The following FGF12 variants were observed in gnomAD, a reference collection of about 807,000 sequenced individuals.
The protein encoded by FGF12 is fibroblast growth factor 12B.
A neutral mutation model predicts 23.6 loss-of-function variants in FGF12; 14 were observed. The observed-to-expected ratio is 0.59, with a 90% CI of 0.39 to 0.93. The LOEUF (loss-of-function observed/expected upper bound fraction) is 0.93. Among genes scored for constraint, FGF12 ranks in the 40% least tolerant of loss-of-function variants. The probability of loss-of-function intolerance (pLI) is 0.00; values close to 1 mark genes in which losing one functional copy is unlikely to be tolerated. For missense variants in FGF12, 175 were observed against 217.8 expected (o/e 0.80, Z 1.24); for synonymous variants, 62 against 77.3 (o/e 0.80, Z 1.04).
chr3:192,511,180 A>T (rs750814739), intron 2 of FGF12, among the ~76,000 whole-genome samples: 2 of 151,950 alleles, frequency 1.3e-5, no homozygotes, highest in Non-Finnish European at 2.9e-5. Flanking sequence ...TTTCTGGGGC[A>T]GCCCAAGTGA....
At chr3:192,586,355 G>A (rs965096286) in intron 2 of FGF12, among the ~76,000 whole-genome samples, 15 of 152,124 alleles carry the variant, frequency 9.9e-5, no homozygotes, top group African/African-American at 2.7e-4. Flanking sequence ...GGAAATTTAC[G>A]CAAGTTAATT....
intron 2 of FGF12, among the ~76,000 whole-genome samples, chr3:192,441,831 C>T (rs527478456): frequency 1.6e-3 from 249 of 152,274 alleles, no homozygotes; most frequent in Non-Finnish European, 2.6e-3. Context: ...TCCCAGTGAA[C>T]AATTTCATCC....
chr3:192,279,254 A>ATATATAT (rs1713998088), intron 4 of FGF12, among the ~76,000 whole-genome samples: 9 of 143,490 alleles, frequency 6.3e-5, no homozygotes, highest in African/African-American at 1.3e-4. Context: ...ATATATATAT[A>ATATATAT]AAATGTACAT....
At chr3:192,171,329 A>G (rs889294821) in intron 4 of FGF12, among the ~76,000 whole-genome samples, 3 of 152,216 alleles carry the variant, frequency 2.0e-5, no homozygotes, top group Non-Finnish European at 4.4e-5. Flanking sequence ...TTCTAGTCTC[A>G]GAAGAAACTG....
chr3:192,685,821 C>A (rs1201302056), intron 2 of FGF12, among the ~76,000 whole-genome samples: 1 of 152,132 alleles, frequency 6.6e-6, no homozygotes, highest in Non-Finnish European at 1.5e-5. Context: ...GTTTTTGAAT[C>A]CTGACAATAG....
At chr3:192,262,630 T>C (rs920376013) in intron 4 of FGF12, among the ~76,000 whole-genome samples, 7 of 152,216 alleles carry the variant, frequency 4.6e-5, no homozygotes, top group East Asian at 1.9e-4. Context: ...GTTTGTAGCA[T>C]AGGAACCAGA....
intron 4 of FGF12, among the ~76,000 whole-genome samples, chr3:192,296,062 CTTTTTTTTTTTTTT>C (rs34021285): frequency 1.3e-5 from 1 of 78,092 alleles, no homozygotes; most frequent in East Asian, 5.6e-4. Context: ...GTTTTTCTTT[CTTTTTTTTTTTTTT>C]TTTTTTTTTT....
At chr3:192,609,392 A>G (rs1230158963) in intron 2 of FGF12, among the ~76,000 whole-genome samples, 1 of 152,126 alleles carries the variant, frequency 6.6e-6, no homozygotes, top group Non-Finnish European at 1.5e-5. Context: ...TGGTTCTTAT[A>G]GTGCTGGGAA....
chr3:192,572,300 C>T (rs1390223214), intron 2 of FGF12, among the ~76,000 whole-genome samples: 2 of 152,184 alleles, frequency 1.3e-5, no homozygotes, highest in African/African-American at 2.4e-5. Context: ...ATTCCTTGAG[C>T]GCCCAGTTGA....
At chr3:192,294,779 G>A (rs1346426584) in intron 4 of FGF12, among the ~76,000 whole-genome samples, 2 of 152,038 alleles carry the variant, frequency 1.3e-5, no homozygotes, top group African/African-American at 4.8e-5. Context: ...AAATTGATAG[G>A]GGTAAATAAA....
At chr3:192,719,952 G>A (rs1203066633) in intron 2 of FGF12, among the ~76,000 whole-genome samples, 2 of 152,222 alleles carry the variant, frequency 1.3e-5, no homozygotes, top group Non-Finnish European at 2.9e-5. Context: ...TGGAGGATTC[G>A]AGGAAAACCT....
At chr3:192,346,834 A>G (rs1164001010) in intron 3 of FGF12, among the ~76,000 whole-genome samples, 2 of 152,102 alleles carry the variant, frequency 1.3e-5, no homozygotes, top group East Asian at 3.9e-4. Flanking sequence ...GTCATTTCCC[A>G]CTTGAGGGCC....
intron 4 of FGF12, among the ~76,000 whole-genome samples, chr3:192,230,935 A>T (rs1364290154): frequency 2.0e-5 from 3 of 152,212 alleles, no homozygotes; most frequent in African/African-American, 7.2e-5. Flanking sequence ...AAGCTTTAAT[A>T]AAATTAAACA....
At chr3:192,587,578 G>T (rs1221484576) in intron 2 of FGF12, among the ~76,000 whole-genome samples, 1 of 151,922 alleles carries the variant, frequency 6.6e-6, no homozygotes, top group Non-Finnish European at 1.5e-5. Context: ...CACTTTGGGA[G>T]GCTGAGGCAG....
rs79973858 is a variant in FGF12, at chr3:192,549,473, T to C, written c.13+177708A>G. On this transcript the variant is annotated intron_variant, in intron 2 of 5. Transcript: ENST00000445105. ...ATGGTAAAGTGTATAAAGTGTCAGA[T>C]ATAGGAACAAATGAAAAGGAGGATA... Among the ~76,000 whole-genome samples, 530 of 152,258 alleles carry C rather than the reference T, an allele frequency of 3.5e-3. 11 individuals carry two copies. The East Asian group carries it at 0.043, about 12-fold the overall frequency.
intron 2 of FGF12, among the ~76,000 whole-genome samples, chr3:192,536,047 T>C (rs1399461250): frequency 1.3e-5 from 2 of 152,240 alleles, no homozygotes; most frequent in Non-Finnish European, 2.9e-5. Context: ...CTTACATTTT[T>C]AAAAATTCTA....
At chr3:192,344,362 G>GA (rs145191143) in intron 3 of FGF12, among the ~76,000 whole-genome samples, 4,870 of 145,554 alleles carry the variant, frequency 0.033, 263 homozygotes, top group African/African-American at 0.11. Flanking sequence ...TGTTATGGGA[G>GA]AAAAAAAAAA....
At chr3:192,466,076 T>C (rs1236730579) in intron 2 of FGF12, among the ~76,000 whole-genome samples, 1 of 152,170 alleles carries the variant, frequency 6.6e-6, no homozygotes, top group Non-Finnish European at 1.5e-5. Context: ...GCCTCCTACA[T>C]ACCTAGGCTA....
intron 2 of FGF12, among the ~76,000 whole-genome samples, chr3:192,426,598 G>A (rs1721695079): frequency 6.6e-6 from 1 of 152,276 alleles, no homozygotes; most frequent in African/African-American, 2.4e-5. Flanking sequence ...AATCCAGTAT[G>A]TATAATAATA....
Sources: gnomAD v4.1 joint callset for allele counts (sites outside exome capture counted in the v4.1 genomes callset) on GRCh38, gnomAD v4.1.1 for gene constraint, MANE v1.5 for transcripts, NCBI Gene and HGNC (gene_info 2026-07-23, HGNC 2026-07-21) for gene names.